COL19A1: variants seen among roughly 807,000 people sequenced by gnomAD.
COL19A1 encodes the protein collagen alpha-1(XIX) chain.
In COL19A1, 159 loss-of-function variants were observed where a neutral mutation model predicts 190.2. The observed-to-expected ratio is 0.84, with a 90% CI of 0.73 to 0.95. COL19A1 has a LOEUF of 0.95. Ranked by LOEUF, COL19A1 falls within the 40% of genes least tolerant of loss-of-function variation. COL19A1 has a pLI of 0.00. For synonymous variants in COL19A1, 509 were observed against 458.9 expected, an observed-to-expected ratio of 1.11 and a Z score of -1.39; for missense variants, 1,418 against 1,431.9, an observed-to-expected ratio of 0.99 and a Z score of 0.16.
intron 11 of COL19A1, among the ~76,000 whole-genome samples, chr6:69,989,203 A>G (rs1776470606): frequency 6.6e-6 from 1 of 152,104 alleles, no homozygotes; most frequent in Non-Finnish European, 1.5e-5. Context: ...ATTACTCTCC[A>G]AAAAGTACAA....
chr6:70,116,389 A>T (rs1460345234), intron 16 of COL19A1, among the ~76,000 whole-genome samples: 3 of 152,192 alleles, frequency 2.0e-5, no homozygotes, highest in Admixed American at 2.0e-4. Flanking sequence ...GTGATGGGAG[A>T]CAGATACTGC....
At chr6:69,963,144 A>G (rs1326573334) in intron 11 of COL19A1, among the ~76,000 whole-genome samples, 1 of 152,204 alleles carries the variant, frequency 6.6e-6, no homozygotes, top group Non-Finnish European at 1.5e-5. Flanking sequence ...ATAAAGCATT[A>G]TATTTTTATA....
At chr6:70,075,779 GA>G (rs3840397) in intron 15 of COL19A1, among the ~76,000 whole-genome samples, 6,800 of 144,552 alleles carry the variant, frequency 0.047, 352 homozygotes, top group African/African-American at 0.13. Flanking sequence ...CTGTCAATGA[GA>G]AAAAAAAAAA....
chr6:69,921,139 ATATCACATATG>A (rs1771729769), intron 4 of COL19A1, among the ~76,000 whole-genome samples: 1 of 124,242 alleles, frequency 8.0e-6, no homozygotes, highest in Non-Finnish European at 1.6e-5. Flanking sequence ...TATCACATAT[ATATCACATATG>A]TATCACGTAT....
intron 4 of COL19A1, among the ~76,000 whole-genome samples, chr6:69,917,068 G>A (rs1392251804): frequency 6.6e-6 from 1 of 152,122 alleles, no homozygotes; most frequent in East Asian, 1.9e-4. Context: ...TATGATGTGT[G>A]GTTTCTTATG....
intron 9 of COL19A1, among the ~76,000 whole-genome samples, chr6:69,950,677 CA>C (rs1298376143): frequency 1.9e-5 from 1 of 52,624 alleles, no homozygotes; most frequent in Non-Finnish European, 3.8e-5. Flanking sequence ...AATGCAGCCA[CA>C]CACACACACA....
intron 9 of COL19A1, among the ~76,000 whole-genome samples, chr6:69,956,426 A>T (rs191031932): frequency 1.6e-4 from 25 of 152,124 alleles, no homozygotes; most frequent in Admixed American, 1.4e-3. Flanking sequence ...CTTAGAATGA[A>T]GTCCCAAAAT....
rs1056855443 is a variant in COL19A1, at chr6:70,212,312, T to A, written c.*5038T>A. ...TTACCTCATCAAACTCTTTACGATT[T>A]AATTGAATATACTCATGTTAAGTGC... On this transcript the variant is annotated 3_prime_UTR_variant, in exon 51 of 51. Coordinates refer to ENST00000620364, the MANE Select transcript of COL19A1 (RefSeq NM_001858.6). Among the ~76,000 whole-genome samples the A allele has an allele frequency of 1.7e-4, 26 of 152,222 alleles. No homozygotes were observed. Among genetic ancestry groups the A allele is most frequent in the Admixed American group, 4.6e-4 (7 of 15,284 alleles).
chr6:69,977,520 T>C (rs901051604), intron 11 of COL19A1, among the ~76,000 whole-genome samples: 11 of 151,564 alleles, frequency 7.3e-5, no homozygotes, highest in Non-Finnish European at 1.5e-4. Flanking sequence ...TGTATACATA[T>C]GTAACAAACC....
rs1342894364 is a variant in COL19A1, at chr6:69,980,890, T to C, written c.1026+18020T>C. Among the ~76,000 whole-genome samples, 10 of 152,356 alleles carry C rather than the reference T, an allele frequency of 6.6e-5. No homozygotes were observed. In the East Asian group the frequency reaches 1.7e-3, roughly 26 times the overall value. ...GGACAAAGGCATTCCCATACATTGCTGGTGGTAAGTGTAGAGCTACAGTCT... is the reference window on the plus strand; with the variant it reads ...GGACAAAGGCATTCCCATACATTGCCGGTGGTAAGTGTAGAGCTACAGTCT... On this transcript the variant is annotated intron_variant, in intron 11 of 50. Transcript: ENST00000620364.
At chr6:70,168,767 C>T (rs758121484) in intron 40 of COL19A1, 86 bp downstream of exon 40, 71 of 1,400,766 alleles carry the variant, frequency 5.1e-5, no homozygotes, top group Admixed American at 1.3e-4. Context: ...AATGGCCTGC[C>T]TTCTTAGGTG....
chr6:70,141,985 A>G (rs1365518406), intron 21 of COL19A1, 38 bp from the exon 22 acceptor site: 24 of 1,611,502 alleles, frequency 1.5e-5, no homozygotes, highest in Non-Finnish European at 2.0e-5. Flanking sequence ...TATGAAAATT[A>G]AAGAAACATT....
chr6:70,187,798 TTCTC>T (rs926804775), intron 46 of COL19A1, among the ~76,000 whole-genome samples: 2 of 152,078 alleles, frequency 1.3e-5, no homozygotes, highest in Non-Finnish European at 2.9e-5. Flanking sequence ...ACACCTAACA[TTCTC>T]TCTATCTTTT....
chr6:69,931,028 AT>A (rs1470860605), intron 6 of COL19A1, among the ~76,000 whole-genome samples: 1 of 152,148 alleles, frequency 6.6e-6, no homozygotes, highest in Non-Finnish European at 1.5e-5. Flanking sequence ...CAAAATACAT[AT>A]TTTTATAAAA....
chr6:70,189,370 A>G (rs1055025702), intron 47 of COL19A1, among the ~76,000 whole-genome samples: 8 of 152,060 alleles, frequency 5.3e-5, no homozygotes, highest in Non-Finnish European at 1.2e-4. Flanking sequence ...TTGCATGGTG[A>G]TTTTCCGTAG....
At position 70,069,334 on chromosome 6, in the gene COL19A1, G is replaced by T. The variant is rs143386103; in HGVS notation, c.1224+858G>T. Among the ~76,000 whole-genome samples, 21 of 152,172 alleles carry T rather than the reference G, an allele frequency of 1.4e-4. No individual in the cohort carries two copies. In the East Asian group the frequency reaches 3.7e-3, roughly 27 times the overall value. ...TAGACATTCTCATTTATTATTCCCA[G>T]TTCTGCCTTCTGTAAAATAAGTCTC... On this transcript the variant is annotated intron_variant, in intron 15 of 50. Transcript: ENST00000620364.
chr6:70,138,152 G>C lies in COL19A1; in HGVS notation c.1446+405G>C, dbSNP rs907683646. On this transcript the variant is annotated intron_variant, in intron 19 of 50. Transcript: ENST00000620364. The stretch of plus-strand genomic sequence containing the variant: ...CTGCAGCTAAAATAATAAAATCAAT[G>C]TATCAAAAGACTAGTACAAATTTAT... Among the ~76,000 whole-genome samples, 8 of 152,218 alleles carry C rather than the reference G, an allele frequency of 5.3e-5. No homozygotes were observed. The East Asian group carries it at 1.2e-3, about 22-fold the overall frequency.
At chr6:70,121,051 C>G (rs757724683) in intron 16 of COL19A1, among the ~76,000 whole-genome samples, 5 of 152,144 alleles carry the variant, frequency 3.3e-5, no homozygotes, top group Non-Finnish European at 7.4e-5. Flanking sequence ...AACTTGGTCT[C>G]TATAATATTT....
intron 18 of COL19A1, chr6:70,131,347 T>C (rs1053210500): frequency 5.6e-6 from 1 of 177,276 alleles, no homozygotes; most frequent in African/African-American, 2.4e-5. Flanking sequence ...TATAAATCAG[T>C]GCAACCAATC....
Sources: gnomAD v4.1 joint callset for allele counts (sites outside exome capture counted in the v4.1 genomes callset) on GRCh38, gnomAD v4.1.1 for gene constraint, MANE v1.5 for transcripts, NCBI Gene and HGNC (gene_info 2026-07-23, HGNC 2026-07-21) for gene names.